PCDH11X: variants seen among roughly 807,000 people sequenced by gnomAD.
PCDH11X encodes protocadherin 11 X-linked, also known as protocadherin-11 X-linked.
Under a neutral mutation model 53.3 loss-of-function variants are expected in PCDH11X, and 18 were observed. The ratio of observed to expected loss-of-function variants is 0.34; its 90% CI spans 0.23 to 0.50. PCDH11X has a LOEUF of 0.50. Ranked by LOEUF, PCDH11X falls within the 20% of genes least tolerant of loss-of-function variation. The pLI, the probability that PCDH11X is intolerant of heterozygous loss-of-function variation, is 0.98. For synonymous variants in PCDH11X, 279 were observed against 393.3 expected (o/e 0.71, Z 3.44); for missense variants, 570 against 1,032.4 (o/e 0.55, Z 6.14).
intron 7 of PCDH11X, among the ~76,000 whole-genome samples, chrX:92,250,863 T>C (rs1178526834): frequency 9.1e-6 from 1 of 109,300 alleles, no homozygotes; most frequent in Non-Finnish European, 1.9e-5. Context: ...TAAGAGGTGA[T>C]AGATCAAGGA....
chrX:92,610,435 A>G (rs1173019659), intron 10 of PCDH11X, among the ~76,000 whole-genome samples: 7 of 109,645 alleles, frequency 6.4e-5, no homozygotes, highest in African/African-American at 2.3e-4. Context: ...CCCACTTTTG[A>G]ATGGAGGCTT....
intron 10 of PCDH11X, among the ~76,000 whole-genome samples, chrX:92,553,219 ATTT>A (rs59294247): frequency 0.02 from 1,933 of 97,697 alleles, 50 homozygotes; most frequent in African/African-American, 0.066. Flanking sequence ...TTTAACTGGG[ATTT>A]TTTTTTTTTT....
rs1229674711 is a variant in PCDH11X, at chrX:92,541,485, T to G, written c.3367+73163T>G. On this transcript the variant is annotated intron_variant, in intron 10 of 10. Transcript: ENST00000682573. ...CTATCCTTTTTAATGCCTCTTTCAGTGATATGAATTTAAACCATGTACTGT... is the reference window on the plus strand; with the variant it reads ...CTATCCTTTTTAATGCCTCTTTCAGGGATATGAATTTAAACCATGTACTGT... Among the ~76,000 whole-genome samples, 12 of 111,017 alleles carry G rather than the reference T, an allele frequency of 1.1e-4. No homozygotes were observed. The Admixed American group carries it at 1.1e-3, about 11-fold the overall frequency.
intron 8 of PCDH11X, among the ~76,000 whole-genome samples, chrX:92,354,545 T>C (rs1170977813): frequency 9.0e-6 from 1 of 111,154 alleles, no homozygotes; most frequent in East Asian, 2.9e-4. Flanking sequence ...AACTTAGTTA[T>C]GAATTACCTG....
chrX:91,847,833 G>C (rs1020214196), intron 5 of PCDH11X, among the ~76,000 whole-genome samples: 1 of 111,885 alleles, frequency 8.9e-6, no homozygotes, highest in African/African-American at 3.3e-5. Flanking sequence ...AAAAAAAACA[G>C]ACATGGAAAA....
chrX:91,937,497 C>T (rs1342477699), intron 6 of PCDH11X, among the ~76,000 whole-genome samples: 1 of 111,140 alleles, frequency 9.0e-6, no homozygotes, highest in Non-Finnish European at 1.9e-5. Flanking sequence ...ATATTGGCTG[C>T]TTGTGAAATG....
intron 8 of PCDH11X, among the ~76,000 whole-genome samples, chrX:92,269,768 T>C (rs1346818174): frequency 8.9e-6 from 1 of 111,897 alleles, no homozygotes; most frequent in African/African-American, 3.2e-5. Flanking sequence ...TAGATATTGA[T>C]GTAATTCACT....
At chrX:92,358,649 TTACCAATGACAC>T (rs2070272885) in intron 8 of PCDH11X, among the ~76,000 whole-genome samples, 2 of 103,826 alleles carry the variant, frequency 1.9e-5, no homozygotes, top group African/African-American at 7.0e-5. Flanking sequence ...AGTGCTAAAG[TTACCAATGACAC>T]AACCTGGGTA....
intron 6 of PCDH11X, among the ~76,000 whole-genome samples, chrX:91,926,076 G>GCACA (rs4022270): frequency 0.019 from 1,595 of 83,047 alleles, 18 homozygotes; most frequent in African/African-American, 0.021. Flanking sequence ...ACACAAACAC[G>GCACA]CACACACACA....
intron 6 of PCDH11X, among the ~76,000 whole-genome samples, chrX:91,890,388 G>C (rs5984842): frequency 9.0e-6 from 1 of 110,781 alleles, no homozygotes; most frequent in Non-Finnish European, 1.9e-5. Context: ...CTTTCATTTA[G>C]AAAATCCTTG....
At chrX:91,890,686 A>C in intron 6 of PCDH11X, among the ~76,000 whole-genome samples, 1 of 108,775 alleles carries the variant, frequency 9.2e-6, no homozygotes, top group Middle Eastern at 4.7e-3. Context: ...TTGTTACATT[A>C]CTTAATTTTA....
intron 7 of PCDH11X, among the ~76,000 whole-genome samples, chrX:92,240,797 A>T (rs2067250278): frequency 9.0e-6 from 1 of 111,072 alleles, no homozygotes; most frequent in Admixed American, 9.6e-5. Flanking sequence ...CTAAGGGAAA[A>T]TTTCACAATT....
intron 10 of PCDH11X, among the ~76,000 whole-genome samples, chrX:92,608,202 A>G (rs1441969409): frequency 2.4e-5 from 2 of 82,407 alleles, no homozygotes; most frequent in Non-Finnish European, 4.5e-5. Context: ...GAAAAAGAGA[A>G]TTTTTTTTTT....
rs780205682 is a variant in PCDH11X at position 92,456,442 on chromosome X, A to G, written c.3344-11857A>G. ...CAAATTTATAGTGTATTAAAGATTT[A>G]TATCTCCTTCCTTGTTATATAAGAA... is the stretch of plus-strand genomic sequence containing the variant. On this transcript the variant is annotated intron_variant, in intron 9 of 10. Coordinates refer to ENST00000682573, the MANE Select transcript of PCDH11X (RefSeq NM_032968.5). Among the ~76,000 whole-genome samples the G allele has an allele frequency of 3.0e-3, 329 of 111,487 alleles. 2 individuals are homozygous for G. The highest frequency in any genetic ancestry group is 0.01 in the African/African-American group (313 of 30,781).
chrX:92,186,628 CAA>C (rs34913850), intron 6 of PCDH11X, among the ~76,000 whole-genome samples: 1 of 63,514 alleles, frequency 1.6e-5, no homozygotes. Context: ...AACTCCGTCT[CAA>C]AAAAAAAAAA....
intron 6 of PCDH11X, among the ~76,000 whole-genome samples, chrX:91,935,945 C>G (rs2061439865): frequency 9.2e-6 from 1 of 108,763 alleles, no homozygotes; most frequent in South Asian, 4.1e-4. Context: ...ATTTCTCATG[C>G]AAATGAAGCC....
chrX:92,317,648 A>C (rs757923773), intron 8 of PCDH11X, among the ~76,000 whole-genome samples: 1 of 111,827 alleles, frequency 8.9e-6, no homozygotes, highest in South Asian at 3.7e-4. Flanking sequence ...TAGCAAATCT[A>C]AGCAGTTCTA....
chrX:91,900,369 C>T (rs775224121), intron 6 of PCDH11X, among the ~76,000 whole-genome samples: 1 of 110,703 alleles, frequency 9.0e-6, no homozygotes, highest in East Asian at 2.9e-4. Context: ...GAACAGGAAG[C>T]AAAAATTCTT....
intron 6 of PCDH11X, among the ~76,000 whole-genome samples, chrX:91,973,438 TA>T (rs1276150882): frequency 0.053 from 3,612 of 67,747 alleles, 131 homozygotes; most frequent in South Asian, 0.19. Flanking sequence ...TAAAGTATAA[TA>T]AAAAAAAAAA....
Sources: gnomAD v4.1 joint callset for allele counts (sites outside exome capture counted in the v4.1 genomes callset) on GRCh38, gnomAD v4.1.1 for gene constraint, MANE v1.5 for transcripts, NCBI Gene and HGNC (gene_info 2026-07-23, HGNC 2026-07-21) for gene names.